Variants in GSE1 observed in about 807,000 individuals in gnomAD.
GSE1 encodes the protein Gse1 coiled-coil protein.
A neutral mutation model predicts 112.6 loss-of-function variants in GSE1; 32 were observed. The observed-to-expected ratio is 0.28, with a 90% CI of 0.21 to 0.38. GSE1 has a LOEUF of 0.38. GSE1 is among the 10% of genes least tolerant of loss of function. The pLI, the probability that GSE1 is intolerant of heterozygous loss-of-function variation, is 1.00. For synonymous variants in GSE1, 1,115 were observed against 735.6 expected, an observed-to-expected ratio of 1.52 and a Z score of -8.35; for missense variants, 2,348 against 1,699.2, an observed-to-expected ratio of 1.38 and a Z score of -6.71.
intron 2 of GSE1, among the ~76,000 whole-genome samples, chr16:85,443,862 G>A (rs991763318): frequency 6.6e-6 from 1 of 152,114 alleles, no homozygotes. Context: ...GGATGAGATC[G>A]CGCCCACTCT....
intron 1 of GSE1, among the ~76,000 whole-genome samples, chr16:85,197,432 G>C (rs1015304286): frequency 6.6e-6 from 1 of 152,134 alleles, no homozygotes; most frequent in African/African-American, 2.4e-5. Context: ...TGCTTACAGC[G>C]TCTTTAACTC....
intron 2 of GSE1, among the ~76,000 whole-genome samples, chr16:85,437,956 C>G (rs2151774005): frequency 6.6e-6 from 1 of 152,298 alleles, no homozygotes; most frequent in East Asian, 1.9e-4. Context: ...GATTAAGTCA[C>G]TTATGTGTGG....
intron 2 of GSE1, among the ~76,000 whole-genome samples, chr16:85,635,146 A>T (rs116387652): frequency 0.024 from 3,644 of 151,790 alleles, 95 homozygotes; most frequent in African/African-American, 0.061. Context: ...GGCTGGGGGG[A>T]CTTCTCATTT....
At chr16:85,508,875 C>T (rs779336053) in intron 2 of GSE1, among the ~76,000 whole-genome samples, 1 of 152,194 alleles carries the variant, frequency 6.6e-6, no homozygotes, top group African/African-American at 2.4e-5. Flanking sequence ...GATGTACAAA[C>T]GTGTGTGTCA....
At chr16:85,312,486 C>T (rs762023585) in intron 1 of GSE1, among the ~76,000 whole-genome samples, 11 of 152,308 alleles carry the variant, frequency 7.2e-5, no homozygotes, top group Non-Finnish European at 1.5e-4. Context: ...GGCCTCCTCA[C>T]TCTTTGTCCC....
intron 1 of GSE1, among the ~76,000 whole-genome samples, chr16:85,318,831 C>T (rs1439595602): frequency 6.6e-6 from 1 of 152,220 alleles, no homozygotes; most frequent in African/African-American, 2.4e-5. Flanking sequence ...GGGGAGACCT[C>T]CCGGACTGTC....
chr16:85,318,684 G>A (rs1334958814), intron 1 of GSE1, among the ~76,000 whole-genome samples: 3 of 152,224 alleles, frequency 2.0e-5, no homozygotes, highest in Non-Finnish European at 2.9e-5. Context: ...TCAGGTCAGC[G>A]TCAGAGGTGG....
At chr16:85,370,107 A>G (rs1385807664) in intron 2 of GSE1, among the ~76,000 whole-genome samples, 2 of 152,148 alleles carry the variant, frequency 1.3e-5, no homozygotes, top group African/African-American at 4.8e-5. Context: ...GGCCGGACCC[A>G]GGAGGTTCTG....
At chr16:85,383,043 G>T (rs939401198) in intron 2 of GSE1, among the ~76,000 whole-genome samples, 2 of 149,796 alleles carry the variant, frequency 1.3e-5, no homozygotes, top group Non-Finnish European at 3.0e-5. Flanking sequence ...CACACACACC[G>T]TGTACATGCA....
At chr16:85,547,679 G>A (rs2044747898) in intron 2 of GSE1, among the ~76,000 whole-genome samples, 2 of 151,844 alleles carry the variant, frequency 1.3e-5, no homozygotes, top group South Asian at 2.1e-4. Context: ...TCAGGAGTTC[G>A]AGACCAGCCT....
At chr16:85,580,200 A>T (rs1417829362) in intron 1 of GSE1, 6 of 152,412 alleles carry the variant, frequency 3.9e-5, no homozygotes, top group African/African-American at 1.4e-4. Context: ...GTTGCTTGGA[A>T]TGTTCACTCT....
chr16:85,373,225 G>A lies in GSE1; in HGVS notation c.2464+15582G>A, dbSNP rs780500479. Among the ~76,000 whole-genome samples, 31 of 152,150 alleles carry A rather than the reference G, an allele frequency of 2.0e-4. No individual in the cohort carries two copies. The highest frequency in any genetic ancestry group is 3.5e-4 in the Non-Finnish European group (24 of 68,008). On this transcript the variant is annotated intron_variant, in intron 2 of 2. Coordinates refer to the GSE1 transcript ENST00000637419. This position sits in a 1 kb window ranked among gnomAD's most constrained non-coding sequence, Gnocchi z 5.1. ...GCCTGGTAGCAGGCCCAGCTGCCTC[G>A]AGGTGCTCCCAGGGATGGATCGCTC...
intron 1 of GSE1, among the ~76,000 whole-genome samples, chr16:85,202,579 C>T (rs1369989282): frequency 6.6e-6 from 1 of 152,182 alleles, no homozygotes; most frequent in Non-Finnish European, 1.5e-5. Context: ...GAGGCAGAAC[C>T]CCACCCCACA....
chr16:85,671,083 C>G lies in GSE1; in HGVS notation c.3504C>G (p.Leu1168=), dbSNP rs753052085. ...GCCTCAGCCTGACGGCAGAGCAGCT[C>G]TCCCACAGCGTGGCGGTGAGTTGGG... ...HYSLSLTAEQ[L]SHSVAELRSQ... is the part of the protein sequence containing the mutation. The change falls in exon 15 of 16, where the codon CTC becomes CTG. Residue 1168 remains leucine, a synonymous_variant. Transcript: ENST00000253458. 12 of 1,602,892 alleles carry G rather than the reference C, an allele frequency of 7.5e-6. No homozygotes were observed. The highest frequency in any genetic ancestry group is 1.7e-4 in the Middle Eastern group (1 of 6,024).
intron 2 of GSE1, among the ~76,000 whole-genome samples, chr16:85,546,298 C>G (rs2044698152): frequency 6.6e-6 from 1 of 152,116 alleles, no homozygotes; most frequent in Admixed American, 6.5e-5. Flanking sequence ...GTTGGCCAGG[C>G]TGGTCTCGAA....
intron 2 of GSE1, among the ~76,000 whole-genome samples, chr16:85,369,397 GT>G (rs5818533): frequency 0.2 from 29,945 of 151,830 alleles, 3,033 homozygotes; most frequent in South Asian, 0.24. Context: ...TTGTATTTTT[GT>G]AGAGATGGGG....
chr16:85,236,328 G>C (rs1256714618), intron 1 of GSE1, among the ~76,000 whole-genome samples: 3 of 152,210 alleles, frequency 2.0e-5, no homozygotes, highest in African/African-American at 7.2e-5. Context: ...AGTCAAATAA[G>C]GATCTGAGTG....
intron 1 of GSE1, among the ~76,000 whole-genome samples, chr16:85,211,877 G>C (rs1265843234): frequency 1.3e-5 from 2 of 152,228 alleles, no homozygotes; most frequent in Non-Finnish European, 2.9e-5. Context: ...CTCTCTTCCT[G>C]AAGTCACACA....
intron 1 of GSE1, among the ~76,000 whole-genome samples, chr16:85,312,600 G>A (rs2045884762): frequency 6.6e-6 from 1 of 152,164 alleles, no homozygotes; most frequent in South Asian, 2.1e-4. Context: ...CCTGACATCT[G>A]CAAAGACCCC....
Sources: gnomAD v4.1 joint callset for allele counts (sites outside exome capture counted in the v4.1 genomes callset) on GRCh38, gnomAD v4.1.1 for gene constraint, Gnocchi (gnomAD v3.1) non-coding constraint, MANE v1.5 for transcripts, NCBI Gene and HGNC (gene_info 2026-07-23, HGNC 2026-07-21) for gene names.